Variants in KALRN observed in about 807,000 individuals in gnomAD.
KALRN encodes kalirin RhoGEF kinase, also known as kalirin.
KALRN carries 70 observed loss-of-function variants against 353.7 expected under a neutral mutation model. That is an observed-to-expected ratio of 0.20 (90% CI 0.16 to 0.24). The LOEUF (loss-of-function observed/expected upper bound fraction) is 0.24. Among genes scored for constraint, KALRN ranks in the 10% least tolerant of loss-of-function variants. The pLI, the probability that KALRN is intolerant of heterozygous loss-of-function variation, is 1.00. For synonymous variants in KALRN, 1,391 were observed against 1,434.8 expected, an observed-to-expected ratio of 0.97 and a Z score of 0.69; for missense variants, 2,791 against 3,756.7, an observed-to-expected ratio of 0.74 and a Z score of 6.72.
intron 1 of KALRN, among the ~76,000 whole-genome samples, chr3:124,116,767 G>T (rs2063498832): frequency 6.6e-6 from 1 of 152,078 alleles, no homozygotes; most frequent in Non-Finnish European, 1.5e-5. Context: ...TAATAAATAG[G>T]ACAATTATAA....
intron 33 of KALRN, among the ~76,000 whole-genome samples, chr3:124,539,980 A>G (rs1249892763): frequency 6.6e-6 from 1 of 151,018 alleles, no homozygotes; most frequent in Non-Finnish European, 1.5e-5. Context: ...CATGATCTTG[A>G]CTCACTGCAA....
chr3:124,564,153 C>T (rs1256821020), intron 34 of KALRN, among the ~76,000 whole-genome samples: 1 of 139,468 alleles, frequency 7.2e-6, no homozygotes, highest in Admixed American at 8.0e-5. Flanking sequence ...TGCAGTGAGT[C>T]GAGATCGCGC....
intron 32 of KALRN, among the ~76,000 whole-genome samples, chr3:124,495,936 C>G (rs1406030864): frequency 9.1e-6 from 1 of 109,476 alleles, no homozygotes; most frequent in Admixed American, 9.9e-5. Context: ...CTTACAGACC[C>G]GTTCCCAAGT....
chr3:124,148,929 G>A (rs1355414712), intron 1 of KALRN, among the ~76,000 whole-genome samples: 1 of 152,036 alleles, frequency 6.6e-6, no homozygotes, highest in Non-Finnish European at 1.5e-5. Context: ...AGAAGAGAAA[G>A]GAACAAAAAT....
At position 124,720,056 on chromosome 3, in the gene KALRN, A is replaced by G. The variant is rs966540957; in HGVS notation, c.*586A>G. 2 of 152,628 alleles carry G rather than the reference A, an allele frequency of 1.3e-5. No individual in the cohort carries two copies. The highest frequency in any genetic ancestry group is 4.8e-5 in the African/African-American group (2 of 41,444). 9.5% of individuals were successfully genotyped at this position (152,628 alleles called of 1,614,324 possible). A position where few individuals can be genotyped will look rare whatever the true frequency, so the allele number is the denominator to read the frequency against. Reference sequence around the variant, plus strand: ...AGTTAAGACAGTAATTTATTTACCGAATCATTACATTGTTTTGACTAAGCA... The same window carrying G: ...AGTTAAGACAGTAATTTATTTACCGGATCATTACATTGTTTTGACTAAGCA... On this transcript the variant is annotated 3_prime_UTR_variant, in exon 60 of 60. Coordinates refer to ENST00000682506, the MANE Select transcript of KALRN (RefSeq NM_001388419.1).
At chr3:124,272,941 A>T (rs1255522326) in intron 5 of KALRN, among the ~76,000 whole-genome samples, 1 of 152,212 alleles carries the variant, frequency 6.6e-6, no homozygotes, top group African/African-American at 2.4e-5. Flanking sequence ...TTACTGCCTG[A>T]GCCAAGTCTT....
intron 5 of KALRN, among the ~76,000 whole-genome samples, chr3:124,291,259 A>G (rs2076394854): frequency 6.6e-6 from 1 of 152,224 alleles, no homozygotes; most frequent in Non-Finnish European, 1.5e-5. Context: ...AGTTTCTGCA[A>G]TGAACATTGC....
intron 1 of KALRN, among the ~76,000 whole-genome samples, chr3:124,216,284 A>G (rs940361514): frequency 1.3e-5 from 2 of 152,184 alleles, no homozygotes; most frequent in East Asian, 1.9e-4. Flanking sequence ...TGAGTGTCAT[A>G]AAGTGTGCTG....
At chr3:124,586,032 A>T (rs1221311240) in intron 34 of KALRN, among the ~76,000 whole-genome samples, 1 of 152,216 alleles carries the variant, frequency 6.6e-6, no homozygotes, top group Non-Finnish European at 1.5e-5. Flanking sequence ...AATCTGAATG[A>T]CTTTTCCTGC....
rs1025635413 is a variant in KALRN at position 124,280,052 on chromosome 3, G to A, written c.969+10797G>A. Reference sequence around the variant, plus strand: ...GGTTACCAGGAGTCAGAGCACAACAGAGAGTCAGAAGTCCATGGAATAACC... The same window carrying A: ...GGTTACCAGGAGTCAGAGCACAACAAAGAGTCAGAAGTCCATGGAATAACC... On this transcript the variant is annotated intron_variant, in intron 5 of 59. Transcript: ENST00000682506. Among the ~76,000 whole-genome samples the A allele has an allele frequency of 4.6e-5, 7 of 152,328 alleles. No homozygotes were observed. In the Middle Eastern group the frequency reaches 0.017, roughly 370 times the overall value.
At chr3:124,415,126 C>T (rs760232059) in intron 14 of KALRN, among the ~76,000 whole-genome samples, 1 of 152,202 alleles carries the variant, frequency 6.6e-6, no homozygotes, top group African/African-American at 2.4e-5. Context: ...GCAGCTGAAA[C>T]CCAGGCCTAT....
At chr3:124,710,184 TTCTATC>T (rs2062822297) in intron 57 of KALRN, among the ~76,000 whole-genome samples, 2 of 152,244 alleles carry the variant, frequency 1.3e-5, no homozygotes, top group South Asian at 4.1e-4. Context: ...GAAGATTGCA[TTCTATC>T]ACAAAAAGGA....
chr3:124,346,706 C>T (rs1044043915), intron 9 of KALRN, among the ~76,000 whole-genome samples: 1 of 152,122 alleles, frequency 6.6e-6, no homozygotes, highest in Non-Finnish European at 1.5e-5. Context: ...CATGACTGGT[C>T]ACCATTGCTG....
intron 1 of KALRN, among the ~76,000 whole-genome samples, chr3:124,141,244 C>T (rs1640630356): frequency 6.6e-6 from 1 of 152,200 alleles, no homozygotes; most frequent in Non-Finnish European, 1.5e-5. Context: ...CTCCTCTTTT[C>T]ACCATGTCTT....
At chr3:124,184,757 C>T (rs566390909) in intron 1 of KALRN, among the ~76,000 whole-genome samples, 12 of 152,242 alleles carry the variant, frequency 7.9e-5, no homozygotes, top group African/African-American at 2.6e-4. Flanking sequence ...ATGTATCTTC[C>T]AGCCAAATTT....
intron 8 of KALRN, among the ~76,000 whole-genome samples, chr3:124,332,839 A>G (rs1314197252): frequency 3.3e-5 from 5 of 152,220 alleles, no homozygotes; most frequent in Middle Eastern, 3.2e-3. Context: ...GTATTTTAAA[A>G]GGATAAAGAC....
intron 37 of KALRN, among the ~76,000 whole-genome samples, chr3:124,642,755 C>T (rs1406569146): frequency 1.3e-5 from 2 of 149,294 alleles, no homozygotes; most frequent in African/African-American, 2.5e-5. Context: ...TGTATGTTTC[C>T]AGGGACTGGG....
intron 10 of KALRN, among the ~76,000 whole-genome samples, chr3:124,357,900 G>A (rs1041938554): frequency 3.3e-5 from 5 of 152,274 alleles, no homozygotes; most frequent in Admixed American, 6.5e-5. Flanking sequence ...GCTATGGAAC[G>A]AATGCCTTTG....
intron 12 of KALRN, among the ~76,000 whole-genome samples, chr3:124,396,774 G>A (rs1366564216): frequency 6.6e-6 from 1 of 152,250 alleles, no homozygotes; most frequent in Non-Finnish European, 1.5e-5. Flanking sequence ...AGGCAACAAT[G>A]TGGGTGATGC....
Sources: gnomAD v4.1 joint callset for allele counts (sites outside exome capture counted in the v4.1 genomes callset) on GRCh38, gnomAD v4.1.1 for gene constraint, MANE v1.5 for transcripts, NCBI Gene and HGNC (gene_info 2026-07-23, HGNC 2026-07-21) for gene names.